The following DOCK5 variants were observed in gnomAD, a reference collection of about 807,000 sequenced individuals.
DOCK5 encodes the protein dedicator of cytokinesis protein 5.
In DOCK5, 142 loss-of-function variants were observed where a neutral mutation model predicts 251.8. The ratio of observed to expected loss-of-function variants is 0.56; its 90% CI spans 0.49 to 0.65. The LOEUF is 0.65. Ranked by LOEUF, DOCK5 falls within the 30% of genes least tolerant of loss-of-function variation. The pLI is 0.00. For synonymous variants in DOCK5, 842 were observed against 835.5 expected (o/e 1.01, Z -0.13); for missense variants, 2,111 against 2,312.3 (o/e 0.91, Z 1.79).
chr8:25,383,796 A>C (rs1801111411), intron 40 of DOCK5, among the ~76,000 whole-genome samples: 1 of 151,906 alleles, frequency 6.6e-6, no homozygotes, highest in African/African-American at 2.4e-5. Context: ...TGGAGGTTGC[A>C]TTGAGCCGAG....
At chr8:25,220,379 C>A (rs1298934713) in intron 1 of DOCK5, among the ~76,000 whole-genome samples, 5 of 152,104 alleles carry the variant, frequency 3.3e-5, no homozygotes, top group Non-Finnish European at 5.9e-5. Context: ...TTTTTGTTCT[C>A]TTTCTCTCTA....
rs922404599 is a variant in DOCK5, at chr8:25,319,466, G to A, written c.1444-112G>A. 3 of 647,680 alleles carry A rather than the reference G, an allele frequency of 4.6e-6. No individual in the cohort carries two copies. In the African/African-American group the frequency reaches 5.5e-5, roughly 12 times the overall value. 40.1% of individuals were successfully genotyped at this position (647,680 alleles called of 1,614,324 possible). On this transcript the variant is annotated intron_variant, in intron 14 of 51. Transcript: ENST00000276440. Reference sequence around the variant, plus strand: ...ACTTAATCAGCCGATCAGTGCCAGTGTAGGGCATGTGTGGACGTGTTTGGG... The same window carrying A: ...ACTTAATCAGCCGATCAGTGCCAGTATAGGGCATGTGTGGACGTGTTTGGG...
At chr8:25,199,820 G>A (rs917113680) in intron 1 of DOCK5, among the ~76,000 whole-genome samples, 6 of 149,280 alleles carry the variant, frequency 4.0e-5, no homozygotes, top group Non-Finnish European at 7.4e-5. Context: ...ATCTACCCAC[G>A]TGGAACCAGA....
chr8:25,322,967 G>A (rs542436326), intron 16 of DOCK5, among the ~76,000 whole-genome samples: 1 of 152,304 alleles, frequency 6.6e-6, no homozygotes, highest in African/African-American at 2.4e-5. Context: ...CCATCAATAG[G>A]AGAATGGATA....
chr8:25,332,976 C>T (rs990722883), intron 20 of DOCK5, among the ~76,000 whole-genome samples: 1 of 152,172 alleles, frequency 6.6e-6, no homozygotes, highest in African/African-American at 2.4e-5. Context: ...CATTTTAACT[C>T]ACATTACCAT....
rs1296071721 is a variant in DOCK5 at position 25,298,932 on chromosome 8, C to T, written c.607-12C>T. On this transcript the variant is annotated splice_polypyrimidine_tract_variant and intron_variant, in intron 7 of 51. Transcript: ENST00000276440. ...AAATCAAGATGTTTTTCTCTGTTCCCTCTTTGTTCAGTCAATCCTGCAGAA... is the reference window on the plus strand; with the variant it reads ...AAATCAAGATGTTTTTCTCTGTTCCTTCTTTGTTCAGTCAATCCTGCAGAA... 12 of 1,594,564 alleles carry T rather than the reference C, an allele frequency of 7.5e-6. No individual in the cohort carries two copies. The Admixed American group carries it at 1.3e-4, about 17-fold the overall frequency.
chr8:25,343,021 C>T (rs571792522), intron 25 of DOCK5, among the ~76,000 whole-genome samples: 13 of 151,662 alleles, frequency 8.6e-5, no homozygotes, highest in Non-Finnish European at 1.6e-4. Context: ...TTTTTTAAGA[C>T]GGAATCTCAC....
chr8:25,200,421 A>G (rs992647899), intron 1 of DOCK5, among the ~76,000 whole-genome samples: 1 of 152,246 alleles, frequency 6.6e-6, no homozygotes, highest in South Asian at 2.1e-4. Context: ...ATGGAAAACT[A>G]TATAGCCATT....
rs529301330 is a variant in DOCK5, at chr8:25,351,481, G to A, written c.2755-250G>A. The A allele has an allele frequency of 8.6e-5, 37 of 428,874 alleles. No homozygotes were observed. The East Asian group carries it at 9.1e-4, about 11-fold the overall frequency. 26.6% of individuals were successfully genotyped at this position (428,874 alleles called of 1,614,324 possible). ...CTCTCAGTGAACCTGAGCAATCTGA[G>A]TTATTAAGAAGGCACTCATCCCTGC... On this transcript the variant is annotated intron_variant, in intron 26 of 51. Transcript: ENST00000276440.
At chr8:25,373,482 G>A in intron 35 of DOCK5, 136 bp from the exon 36 acceptor site, 1 of 808,056 alleles carries the variant, frequency 1.2e-6, no homozygotes, top group Non-Finnish European at 2.0e-6. Flanking sequence ...TTCTTATGGG[G>A]ATATTTGTTA....
At chr8:25,267,566 G>C (rs1231410036) in intron 2 of DOCK5, among the ~76,000 whole-genome samples, 2 of 152,148 alleles carry the variant, frequency 1.3e-5, no homozygotes, top group Non-Finnish European at 2.9e-5. Context: ...ATTACAGTTT[G>C]CATCTACTCA....
chr8:25,193,597 CA>C (rs201451044), intron 1 of DOCK5, among the ~76,000 whole-genome samples: 2 of 149,246 alleles, frequency 1.3e-5, no homozygotes, highest in East Asian at 2.0e-4. Context: ...CCCGTCTCTA[CA>C]AAAAAAAATA....
intron 27 of DOCK5, among the ~76,000 whole-genome samples, chr8:25,358,579 C>T (rs147088478): frequency 2.8e-3 from 423 of 152,262 alleles, no homozygotes; most frequent in African/African-American, 8.7e-3. Context: ...CCTTCCTCCC[C>T]GTTAAGATTT....
intron 45 of DOCK5, among the ~76,000 whole-genome samples, chr8:25,396,660 A>G (rs1019993183): frequency 4.6e-5 from 7 of 152,088 alleles, no homozygotes; most frequent in African/African-American, 7.2e-5. Flanking sequence ...ATAAATCAAC[A>G]TTTGTCAAGG....
intron 27 of DOCK5, among the ~76,000 whole-genome samples, chr8:25,356,806 GATAACTGATTTGAGGAGGA>G (rs1233478469): frequency 6.6e-6 from 1 of 150,846 alleles, no homozygotes; most frequent in Non-Finnish European, 1.5e-5. Context: ...ATAATAAATA[GATAACTGATTTGAGGAGGA>G]ATAGGATTCA....
chr8:25,360,022 G>A (rs571869616), intron 28 of DOCK5, among the ~76,000 whole-genome samples: 18 of 152,298 alleles, frequency 1.2e-4, no homozygotes, highest in East Asian at 7.7e-4. Context: ...AGGATGTGCC[G>A]CTGGATTAGC....
At position 25,278,607 on chromosome 8, in the gene DOCK5, T is replaced by C. The variant is rs1563335380; in HGVS notation, c.263T>C (p.Val88Ala). 1 of 1,613,956 alleles carries C rather than the reference T, an allele frequency of 6.2e-7. No homozygotes were observed. Among genetic ancestry groups the C allele is most frequent in the Non-Finnish European group, 8.5e-7 (1 of 1,179,858 alleles). The change falls in exon 5 of 52, where the codon GTG becomes GCG. Residue 88 changes from valine (V) to alanine (A), a missense_variant. Physicochemically the swap from Val to Ala is moderately conservative, Grantham distance 64. Around this residue, in one of 3 missense-constraint regions of DOCK5, gnomAD observed 335 missense variants for 324.9 expected, o/e 1.03. Coordinates refer to ENST00000276440, the MANE Select transcript of DOCK5 (RefSeq NM_024940.8). ...ETVIPGELPL[V>A]QELTSTLREW... ...GTGATTCCTGGCGAGCTCCCCCTGG[T>C]GCAGGAGCTCACGTCCACTCTGCGA...
chr8:25,246,986 A>G (rs886780610), intron 2 of DOCK5, among the ~76,000 whole-genome samples: 4 of 151,940 alleles, frequency 2.6e-5, no homozygotes, highest in African/African-American at 4.8e-5. Flanking sequence ...TCCTGGGCTC[A>G]AGCTATCCTC....
chr8:25,390,170 C>A, intron 41 of DOCK5, 36 bp from the exon 42 acceptor site: 4 of 1,546,446 alleles, frequency 2.6e-6, no homozygotes, highest in Non-Finnish European at 3.5e-6. Context: ...ACCTTCACGA[C>A]CCCAGCCCCT....
Sources: gnomAD v4.1 joint callset for allele counts (sites outside exome capture counted in the v4.1 genomes callset) on GRCh38, gnomAD v4.1.1 for gene constraint, gnomAD v4.1.1 regional missense constraint, MANE v1.5 for transcripts, NCBI Gene and HGNC (gene_info 2026-07-23, HGNC 2026-07-21) for gene names.